The following NSMCE1 variants were observed in gnomAD, a reference collection of about 807,000 sequenced individuals.
The protein encoded by NSMCE1 is non-structural maintenance of chromosomes element 1 homolog.
Under a neutral mutation model 29.6 loss-of-function variants are expected in NSMCE1, and 18 were observed. The observed-to-expected ratio is 0.61, with a 90% confidence interval of 0.42 to 0.90. NSMCE1 has a LOEUF of 0.90. Ranked by LOEUF, NSMCE1 falls within the 40% of genes least tolerant of loss-of-function variation. NSMCE1 has a pLI of 0.00. For missense variants in NSMCE1, 314 were observed against 343.6 expected, an observed-to-expected ratio of 0.91 and a Z score of 0.68; for synonymous variants, 124 against 133.4, an observed-to-expected ratio of 0.93 and a Z score of 0.49.
chr16:27,247,480 C>T (rs557309667), intron 2 of NSMCE1, among the ~76,000 whole-genome samples: 21 of 152,272 alleles, frequency 1.4e-4, no homozygotes, highest in African/African-American at 3.9e-4. Context: ...ATTAGCAGCG[C>T]GAGAACGGAC....
intron 2 of NSMCE1, among the ~76,000 whole-genome samples, chr16:27,237,580 G>A (rs896575483): frequency 2.6e-5 from 4 of 152,294 alleles, no homozygotes; most frequent in South Asian, 2.1e-4. Context: ...CGTTCAGTGC[G>A]GAGTGAGTGA....
intron 2 of NSMCE1, among the ~76,000 whole-genome samples, chr16:27,245,842 A>G (rs2083950835): frequency 6.6e-6 from 1 of 152,222 alleles, no homozygotes; most frequent in Admixed American, 6.5e-5. Flanking sequence ...ATCATTGCCA[A>G]AGGGGAGATC....
intron 5 of NSMCE1, among the ~76,000 whole-genome samples, chr16:27,228,248 G>A (rs1056300044): frequency 1.3e-5 from 2 of 152,314 alleles, no homozygotes; most frequent in Non-Finnish European, 2.9e-5. Flanking sequence ...GGGCAGAAGC[G>A]TGGGGTTGGG....
chr16:27,229,045 G>A (rs1019964756), intron 5 of NSMCE1, among the ~76,000 whole-genome samples: 1 of 152,106 alleles, frequency 6.6e-6, no homozygotes, highest in South Asian at 2.1e-4. Flanking sequence ...CCCACCCCAG[G>A]GCTTCCCACC....
intron 6 of NSMCE1, 118 bp from the exon 7 acceptor site, chr16:27,225,964 C>T: frequency 8.3e-7 from 1 of 1,207,584 alleles, no homozygotes; most frequent in Non-Finnish European, 1.2e-6. Context: ...TTCTGGGCCC[C>T]AGATTAATAT....
At chr16:27,251,189 T>TATATATATATATATATAA (rs1459861130) in intron 2 of NSMCE1, among the ~76,000 whole-genome samples, 1,513 of 58,322 alleles carry the variant, frequency 0.026, 39 homozygotes, top group African/African-American at 0.037. Context: ...TATATATATA[T>TATATATATATATATATAA]AAATATATAT....
At chr16:27,236,628 G>A (rs896938394) in intron 2 of NSMCE1, among the ~76,000 whole-genome samples, 6 of 102,572 alleles carry the variant, frequency 5.8e-5, no homozygotes, top group Non-Finnish European at 9.2e-5. Context: ...GCAAGAGTAT[G>A]TATTATTGTT....
chr16:27,268,207 T>A (rs1025113045), intron 1 of NSMCE1: 1 of 152,018 alleles, frequency 6.6e-6, no homozygotes, highest in Admixed American at 6.5e-5. Flanking sequence ...GCATCTGGCC[T>A]CGGGGCTGTA....
chr16:27,227,176 G>A (rs577366632), intron 5 of NSMCE1, among the ~76,000 whole-genome samples: 1 of 152,342 alleles, frequency 6.6e-6, no homozygotes, highest in East Asian at 1.9e-4. Context: ...GGCCCACAAG[G>A]GGGTCAGTCT....
intron 2 of NSMCE1, among the ~76,000 whole-genome samples, chr16:27,247,233 C>G (rs1233486624): frequency 6.6e-6 from 1 of 152,170 alleles, no homozygotes; most frequent in Non-Finnish European, 1.5e-5. Context: ...GGGGCAGTTA[C>G]CCTCATGCTA....
intron 1 of NSMCE1, among the ~76,000 whole-genome samples, chr16:27,265,596 T>C (rs1055125398): frequency 1.3e-5 from 2 of 152,232 alleles, no homozygotes; most frequent in African/African-American, 4.8e-5. Flanking sequence ...GATATGTTTT[T>C]ACAGAAGCAC....
chr16:27,255,312 G>C (rs2084075456), intron 2 of NSMCE1, among the ~76,000 whole-genome samples: 1 of 152,146 alleles, frequency 6.6e-6, no homozygotes, highest in South Asian at 2.1e-4. Flanking sequence ...CCACGGAGAT[G>C]GTTCTCAAAC....
At chr16:27,238,508 C>T (rs1393245259) in intron 2 of NSMCE1, among the ~76,000 whole-genome samples, 1 of 151,722 alleles carries the variant, frequency 6.6e-6, no homozygotes, top group Non-Finnish European at 1.5e-5. Context: ...GCCCAGCAGC[C>T]ATGTCCCTCC....
chr16:27,255,542 C>T (rs1298767164), intron 2 of NSMCE1, among the ~76,000 whole-genome samples: 1 of 152,186 alleles, frequency 6.6e-6, no homozygotes, highest in Non-Finnish European at 1.5e-5. Context: ...CAGAATTAAA[C>T]ACAGTTCAAC....
rs11420728 is a variant in NSMCE1 at position 27,261,166 on chromosome 16, CAA to C, written c.-11-3587_-11-3586del. ...TGGGTGACAAAGCAAGACTCCGTCT[CAA>C]AAAAAAAAAAAAAAAGAAACTATAA... On this transcript the variant is annotated intron_variant, in intron 1 of 7. Transcript: ENST00000361439. Among the ~76,000 whole-genome samples, 28 of 98,080 alleles carry C rather than the reference CAA, an allele frequency of 2.9e-4. No individual in the cohort carries two copies. The East Asian group carries it at 3.2e-3, about 11-fold the overall frequency. The allele number at this position is 98,080 out of a possible 152,430, so 64.3% of individuals were successfully genotyped here.
At chr16:27,242,232 A>C (rs777667365) in intron 2 of NSMCE1, among the ~76,000 whole-genome samples, 7 of 152,172 alleles carry the variant, frequency 4.6e-5, no homozygotes, top group Non-Finnish European at 1.0e-4. Context: ...CATGAATCTC[A>C]ATCTAAAGAG....
Position 27,233,055 on chromosome 16 carries a change from C to G in NSMCE1, c.429G>C (p.Lys143Asn). The G allele has an allele frequency of 6.2e-7, 1 of 1,614,058 alleles. No homozygotes were observed. The highest frequency in any genetic ancestry group is 8.5e-7 in the Non-Finnish European group (1 of 1,179,952). Residue 143 changes from lysine (K) to asparagine (N), a missense_variant, in exon 5 of 8, where the codon AAG becomes AAC. Physicochemically the swap from Lys to Asn is moderately conservative, Grantham distance 94. Coordinates refer to ENST00000361439, the MANE Select transcript of NSMCE1 (RefSeq NM_145080.4). ...TCTGCAGCACCTGCTCCGCTTCCTT[C>G]TTCCTCATCTTCTTGCCTTTAAGTT... ...VDQLKGKKMRKKEAEQVLQKF... is the reference protein window; with the variant it reads ...VDQLKGKKMRNKEAEQVLQKF...
intron 6 of NSMCE1, 43 bp downstream of exon 6, chr16:27,226,677 C>G (rs757433832): frequency 1.5e-6 from 2 of 1,308,774 alleles, no homozygotes; most frequent in Non-Finnish European, 2.2e-6. Context: ...CCCCGGGAGC[C>G]GAGGGCCCAG....
In NSMCE1 at chr16:27,257,536, G is replaced by A. The variant is rs374672673; in HGVS notation, c.35C>T (p.Thr12Ile). 106 of 1,613,716 alleles carry A rather than the reference G, an allele frequency of 6.6e-5. No homozygotes were observed. Among genetic ancestry groups the A allele is most frequent in the East Asian group, 2.2e-5 (1 of 44,886 alleles). Reference protein sequence around the residue: ...QGSTRRMGVMTDVHRRFLQLL... With the variant: ...QGSTRRMGVMIDVHRRFLQLL... The stretch of plus-strand genomic sequence containing the variant: ...CTGGAGGAAGCGCCGGTGGACATCA[G>A]TCATGACGCCCATTCTCCTTGTGCT... Residue 12 changes from threonine to isoleucine, a missense_variant, in exon 2 of 8, where the codon ACT becomes ATT. Coordinates refer to ENST00000361439, the MANE Select transcript of NSMCE1 (RefSeq NM_145080.4).
Sources: allele counts gnomAD v4.1 joint callset (sites outside exome capture counted in the v4.1 genomes callset), GRCh38; gene constraint gnomAD v4.1.1; transcripts MANE v1.5; gene names NCBI Gene and HGNC (gene_info 2026-07-23, HGNC 2026-07-21).